SH2B3: variants seen among roughly 807,000 people sequenced by gnomAD.
The protein encoded by SH2B3 is SH2B adapter protein 3.
Under a neutral mutation model 51.9 loss-of-function variants are expected in SH2B3, and 43 were observed. The observed-to-expected ratio is 0.83, with a 90% CI of 0.65 to 1.07. The LOEUF (loss-of-function observed/expected upper bound fraction) is 1.07. SH2B3 is among the 50% of genes least tolerant of loss of function. SH2B3 has a pLI of 0.00. For synonymous variants in SH2B3, 396 were observed against 376.0 expected (o/e 1.05, Z -0.62); for missense variants, 952 against 834.3 (o/e 1.14, Z -1.74).
chr12:111,447,869 T>C (rs1874188498), intron 7 of SH2B3, 42 bp downstream of exon 7: 1 of 1,599,656 alleles, frequency 6.3e-7, no homozygotes. Context: ...TGGCTGACAC[T>C]GGGTAGAGGG....
Position 111,447,659 on chromosome 12 carries a change from C to T in SH2B3, c.1240C>T (p.Leu414=), listed in dbSNP as rs140327825. Residue 414 remains leucine, a synonymous_variant, in exon 7 of 8, where the codon CTG becomes TTG. Coordinates refer to ENST00000341259, the MANE Select transcript of SH2B3 (RefSeq NM_005475.3). ...CCACCATCCTCTCCTCCCACAGCAC[C>T]TGCGCCTGTCGCTGACAGAGCGGGG... is the stretch of plus-strand genomic sequence containing the variant. ...TFNFQGIAKH[L]RLSLTERGQC... The T allele has an allele frequency of 1.2e-5, 20 of 1,611,734 alleles. No individual in the cohort carries two copies. The African/African-American group carries it at 2.4e-4, about 19-fold the overall frequency.
In SH2B3 at chr12:111,451,060, T is replaced by C. The variant is rs1005962635; in HGVS notation, c.*2758T>C. ...GCTCCCGGCACCATCCCTTCCTTCATCTGACTTATTGAACTTTTACAAACT... is the reference window on the plus strand; with the variant it reads ...GCTCCCGGCACCATCCCTTCCTTCACCTGACTTATTGAACTTTTACAAACT... On this transcript the variant is annotated 3_prime_UTR_variant, in exon 8 of 8. Transcript: ENST00000341259. 2 of 152,720 alleles carry C rather than the reference T, an allele frequency of 1.3e-5. No homozygotes were observed. Among genetic ancestry groups the C allele is most frequent in the African/African-American group, 4.8e-5 (2 of 41,458 alleles). The allele number at this position is 152,720 out of a possible 1,614,324, so 9.5% of individuals were successfully genotyped here.
chr12:111,437,370 C>T lies in SH2B3; in HGVS notation c.733-9383C>T, dbSNP rs188600598. Among the ~76,000 whole-genome samples the T allele has an allele frequency of 1.2e-4, 18 of 152,324 alleles. No homozygotes were observed. The East Asian group carries it at 2.9e-3, about 25-fold the overall frequency. ...TTCTGGAAGCTTCTCCCTTCTCTTT[C>T]CTCCTCCCCTGTGGGGAAAGGGCAC... On this transcript the variant is annotated intron_variant, in intron 2 of 7. Transcript: ENST00000341259.
At chr12:111,424,830 G>T (rs1352834697) in intron 2 of SH2B3, among the ~76,000 whole-genome samples, 3 of 152,198 alleles carry the variant, frequency 2.0e-5, no homozygotes, top group African/African-American at 7.2e-5. Context: ...CCAGGGGTTG[G>T]CTCTGGGAAC....
In SH2B3 at chr12:111,410,979, G is replaced by C. The variant is rs1387516113; in HGVS notation, c.-28+4702G>C. On this transcript the variant is annotated intron_variant, in intron 1 of 7. Coordinates refer to ENST00000341259, the MANE Select transcript of SH2B3 (RefSeq NM_005475.3). This position sits in a 1 kb window ranked among gnomAD's most constrained non-coding sequence, Gnocchi z 4.9. ...CCTGGAGGAAGTGTCCCCTCTGAAG[G>C]TGTGAGACTTCCTGCCTATATCTGT... Among the ~76,000 whole-genome samples the C allele has an allele frequency of 6.6e-6, 1 of 152,172 alleles. No homozygotes were observed. Among genetic ancestry groups the C allele is most frequent in the Non-Finnish European group, 1.5e-5 (1 of 68,028 alleles).
chr12:111,418,600 G>C lies in SH2B3; in HGVS notation c.455G>C (p.Gly152Ala). ...LRHIFRRRSA[G>A]ELPAAHTAAA... ...CACATCTTCCGCCGCCGCTCGGCCGGGGAGCTGCCAGCGGCCCACACCGCT... is the reference window on the plus strand; with the variant it reads ...CACATCTTCCGCCGCCGCTCGGCCGCGGAGCTGCCAGCGGCCCACACCGCT... The change falls in exon 2 of 8, where the codon GGG (glycine) becomes GCG (alanine). Residue 152 changes from glycine to alanine, a missense_variant. Physicochemically the swap from Gly to Ala is moderately conservative, Grantham distance 60. Transcript: ENST00000341259. The surrounding 1 kb of genome is among the most constrained non-coding windows in gnomAD (Gnocchi z 6.7). The C allele has an allele frequency of 4.0e-6, 6 of 1,492,856 alleles. No homozygotes were observed. Among genetic ancestry groups the C allele is most frequent in the Non-Finnish European group, 5.3e-6 (6 of 1,129,300 alleles). 92.5% of individuals were successfully genotyped at this position (1,492,856 alleles called of 1,614,324 possible).
In SH2B3 at chr12:111,448,352, G is replaced by T. The variant is rs755738161; in HGVS notation, c.*50G>T. 7.6e-7 allele frequency: 1 copy of T among 1,312,298 alleles called. No individual in the cohort carries two copies. Among genetic ancestry groups the T allele is most frequent in the Non-Finnish European group, 1.1e-6 (1 of 934,328 alleles). 81.3% of individuals were successfully genotyped at this position (1,312,298 alleles called of 1,614,324 possible). Reference sequence around the variant, plus strand: ...CAGCTGCCCTTGAGGAGCACAGGCAGAAGTGTGAACTTGTGAATGTAATTG... The same window carrying T: ...CAGCTGCCCTTGAGGAGCACAGGCATAAGTGTGAACTTGTGAATGTAATTG... On this transcript the variant is annotated 3_prime_UTR_variant, in exon 8 of 8. Transcript: ENST00000341259.
At chr12:111,411,007 G>C (rs546146328) in intron 1 of SH2B3, among the ~76,000 whole-genome samples, 94 of 152,278 alleles carry the variant, frequency 6.2e-4, no homozygotes, top group Non-Finnish European at 1.1e-3. Context: ...ATATCTGTGA[G>C]CTGGGGCAGG....
intron 2 of SH2B3, among the ~76,000 whole-genome samples, chr12:111,426,072 G>C (rs1223636393): frequency 1.3e-5 from 2 of 152,232 alleles, no homozygotes; most frequent in Non-Finnish European, 2.9e-5. Context: ...GTAAAAATGG[G>C]ATTGGGATGA....
In SH2B3 at chr12:111,418,759, TGGCCGACGA is replaced by T. The variant is rs1871303066; in HGVS notation, c.619_627del (p.Asp207_Ala209del). The T allele has an allele frequency of 6.8e-7, 1 of 1,480,152 alleles. No homozygotes were observed. The highest frequency in any genetic ancestry group is 8.9e-7 in the Non-Finnish European group (1 of 1,123,596). 91.7% of individuals were successfully genotyped at this position (1,480,152 alleles called of 1,614,324 possible). A position where few individuals can be genotyped will look rare whatever the true frequency, so the allele number is the denominator to read the frequency against. Reference sequence around the variant, plus strand: ...AAGGAGGCGGTGCTGCGCTACAGCCTGGCCGACGAGGCCTCCATGGACAGCGGGGCACGC... The same window carrying T: ...AAGGAGGCGGTGCTGCGCTACAGCCTGGCCTCCATGGACAGCGGGGCACGC... On this transcript the variant is annotated inframe_deletion, in exon 2 of 8. Transcript: ENST00000341259. This position sits in a 1 kb window ranked among gnomAD's most constrained non-coding sequence, Gnocchi z 6.7.
intron 1 of SH2B3, among the ~76,000 whole-genome samples, chr12:111,411,203 C>CAAAA (rs397958520): frequency 2.0e-5 from 2 of 99,554 alleles, no homozygotes; most frequent in African/African-American, 3.4e-5. Context: ...CTGTCTCTAC[C>CAAAA]AAAAAAAAAA....
intron 2 of SH2B3, among the ~76,000 whole-genome samples, chr12:111,433,111 G>A (rs759318557): frequency 6.6e-6 from 1 of 152,198 alleles, no homozygotes; most frequent in African/African-American, 2.4e-5. Context: ...CAGCACTTTG[G>A]GGGGCTAAGG....
At chr12:111,443,234 C>T (rs1308969611) in intron 2 of SH2B3, among the ~76,000 whole-genome samples, 1 of 152,216 alleles carries the variant, frequency 6.6e-6, no homozygotes, top group African/African-American at 2.4e-5. Context: ...GGGAGAGCTG[C>T]GTGACCCCAC....
At chr12:111,434,676 GATAA>G in intron 2 of SH2B3, 1 of 611,768 alleles carries the variant, frequency 1.6e-6, no homozygotes, top group South Asian at 7.2e-5. Context: ...CCCAGGATCA[GATAA>G]ATAATTATTT....
chr12:111,430,626 A>C (rs1872397145), intron 2 of SH2B3, among the ~76,000 whole-genome samples: 1 of 152,144 alleles, frequency 6.6e-6, no homozygotes, highest in African/African-American at 2.4e-5. Context: ...ACGCTGGAGA[A>C]GGGCAGATGG....
chr12:111,434,998 C>A, intron 2 of SH2B3: 1 of 1,535,550 alleles, frequency 6.5e-7, no homozygotes, highest in South Asian at 1.2e-5. Context: ...CTTGCTCTCA[C>A]CTCTTCTTCT....
chr12:111,448,097 G>A lies in SH2B3; in HGVS notation c.1523G>A (p.Arg508Gln), dbSNP rs79819500. 864 of 1,613,648 alleles carry A rather than the reference G, an allele frequency of 5.4e-4. 1 individual carries two copies. The African/African-American group carries it at 0.01, about 19-fold the overall frequency. Residue 508 changes from arginine (R) to glutamine (Q), a missense_variant, in exon 8 of 8, where the codon CGG becomes CAG. By Grantham distance (43) the Arg-to-Gln change is conservative (BLOSUM62 1). Transcript: ENST00000341259. ...LPHLSSSGCP[R>Q]GLSPEGLPGR... is the part of the protein sequence containing the mutation. ...CACCTTAGTTCTTCTGGCTGTCCCC[G>A]GGGGCTCAGCCCAGAGGGTCTCCCA...
Position 111,447,644 on chromosome 12 carries a change from C to T in SH2B3, c.1237-12C>T, listed in dbSNP as rs965190067. On this transcript the variant is annotated splice_polypyrimidine_tract_variant and intron_variant, in intron 6 of 7. Coordinates refer to ENST00000341259, the MANE Select transcript of SH2B3 (RefSeq NM_005475.3). ...AGGGACAGCCCGAGCCCACCATCCT[C>T]TCCTCCCACAGCACCTGCGCCTGTC... The T allele has an allele frequency of 1.9e-6, 3 of 1,608,954 alleles. No homozygotes were observed. In the African/African-American group the frequency reaches 4.0e-5, roughly 21 times the overall value.
At chr12:111,423,703 C>T (rs1282665294) in intron 2 of SH2B3, among the ~76,000 whole-genome samples, 2 of 151,846 alleles carry the variant, frequency 1.3e-5, no homozygotes, top group African/African-American at 4.8e-5. Flanking sequence ...ACCTCAGTGG[C>T]TGGGCGCAGT....
Sources: gnomAD v4.1 joint callset for allele counts (sites outside exome capture counted in the v4.1 genomes callset) on GRCh38, gnomAD v4.1.1 for gene constraint, Gnocchi (gnomAD v3.1) non-coding constraint, MANE v1.5 for transcripts, NCBI Gene and HGNC (gene_info 2026-07-23, HGNC 2026-07-21) for gene names.